STRAP: variants seen among roughly 807,000 people sequenced by gnomAD.
STRAP encodes serine-threonine kinase receptor-associated protein.
A neutral mutation model predicts 47.0 loss-of-function variants in STRAP; 16 were observed. That is an observed-to-expected ratio of 0.34 (90% CI 0.23 to 0.52). The LOEUF (loss-of-function observed/expected upper bound fraction) is 0.52, where lower values mean the gene tolerates loss of function less well. Among genes scored for constraint, STRAP ranks in the 20% least tolerant of loss-of-function variants. The pLI, the probability that STRAP is intolerant of heterozygous loss-of-function variation, is 0.96. For synonymous variants in STRAP, 130 were observed against 142.7 expected (o/e 0.91, Z 0.63); for missense variants, 293 against 420.0 (o/e 0.70, Z 2.64).
chr12:15,885,488 C>CTTTTTTTTTTTTT (rs5796649), intron 2 of STRAP, among the ~76,000 whole-genome samples: 25 of 132,466 alleles, frequency 1.9e-4, no homozygotes, highest in African/African-American at 7.1e-4. Flanking sequence ...CGTGCCTGGC[C>CTTTTTTTTTTTTT]TTTTTTTTTT....
intron 2 of STRAP, among the ~76,000 whole-genome samples, chr12:15,884,108 C>CA (rs1170357766): frequency 6.6e-6 from 1 of 152,002 alleles, no homozygotes; most frequent in Non-Finnish European, 1.5e-5. Context: ...AAAAAAACAA[C>CA]AAAAAAACAA....
rs375708370 is a variant in STRAP at position 15,890,714 on chromosome 12, A to G, written c.403+45A>G. 3.4e-6 allele frequency: 5 copies of G among 1,474,688 alleles called. No homozygotes were observed. Among genetic ancestry groups the G allele is most frequent in the Admixed American group, 2.0e-5 (1 of 49,366 alleles). 91.4% of individuals were successfully genotyped at this position (1,474,688 alleles called of 1,614,324 possible). ...CAGCTTCTAGTTTTATTTTCTTTTA[A>G]TTTAAATAACTGATTAAAGAATTTC... is the stretch of plus-strand genomic sequence containing the variant. On this transcript the variant is annotated intron_variant, in intron 4 of 9. Coordinates refer to ENST00000419869, the MANE Select transcript of STRAP (RefSeq NM_007178.4). The surrounding 1 kb of genome is among the most constrained non-coding windows in gnomAD (Gnocchi z 4.5).
intron 2 of STRAP, among the ~76,000 whole-genome samples, chr12:15,886,332 G>A (rs556164568): frequency 2.6e-5 from 4 of 152,140 alleles, no homozygotes; most frequent in South Asian, 4.2e-4. Flanking sequence ...GACCACAGGC[G>A]TGTACTACCA....
Position 15,903,043 on chromosome 12 carries a change from C to G in STRAP, c.*65C>G, listed in dbSNP as rs1948118397. On this transcript the variant is annotated 3_prime_UTR_variant, in exon 10 of 10. Coordinates refer to ENST00000419869, the MANE Select transcript of STRAP (RefSeq NM_007178.4). The stretch of plus-strand genomic sequence containing the variant: ...ACAAGCAAGCAGAGAAAAGCATCAG[C>G]CTTCCAGAGTTACTGTCTGCTTAAG... 1 of 1,434,118 alleles carries G rather than the reference C, an allele frequency of 7.0e-7. No individual in the cohort carries two copies. The highest frequency in any genetic ancestry group is 9.2e-7 in the Non-Finnish European group (1 of 1,086,610). The allele number at this position is 1,434,118 out of a possible 1,614,324, so 88.8% of individuals were successfully genotyped here. A position where few individuals can be genotyped will look rare whatever the true frequency, so the allele number is the denominator to read the frequency against.
chr12:15,890,755 A>G lies in STRAP; in HGVS notation c.403+86A>G. 1 of 1,244,130 alleles carries G rather than the reference A, an allele frequency of 8.0e-7. No individual in the cohort carries two copies. Among genetic ancestry groups the G allele is most frequent in the Middle Eastern group, 2.7e-4 (1 of 3,686 alleles). The allele number at this position is 1,244,130 out of a possible 1,614,324, so 77.1% of individuals were successfully genotyped here. ...AAAGAATTTCATGCTCAGTACTCAA[A>G]TTTGGAAAATAAAGATAGTCATGGC... On this transcript the variant is annotated intron_variant, in intron 4 of 9. Coordinates refer to ENST00000419869, the MANE Select transcript of STRAP (RefSeq NM_007178.4). This position sits in a 1 kb window ranked among gnomAD's most constrained non-coding sequence, Gnocchi z 4.5.
At chr12:15,893,148 G>GGAT (rs1948030801) in intron 4 of STRAP, among the ~76,000 whole-genome samples, 1 of 152,078 alleles carries the variant, frequency 6.6e-6, no homozygotes, top group African/African-American at 2.4e-5. Context: ...TTCTTCGAAA[G>GGAT]GATAATCTCC....
At chr12:15,891,060 CA>C (rs962648032) in intron 4 of STRAP, among the ~76,000 whole-genome samples, 1,753 of 124,716 alleles carry the variant, frequency 0.014, 27 homozygotes, top group African/African-American at 0.042. Context: ...AACTCAGTTT[CA>C]AAAAAAAAAA....
intron 7 of STRAP, 154 bp downstream of exon 7, chr12:15,898,172 A>G (rs752722993): frequency 1.7e-5 from 10 of 580,794 alleles, no homozygotes; most frequent in Non-Finnish European, 2.3e-5. Context: ...TGAAAAAGTA[A>G]AGGAGTTTTA....
intron 4 of STRAP, among the ~76,000 whole-genome samples, chr12:15,891,409 T>A (rs916438569): frequency 2.0e-5 from 3 of 152,188 alleles, no homozygotes; most frequent in African/African-American, 7.2e-5. Flanking sequence ...GCAGTTACAG[T>A]TTTTTCATTT....
chr12:15,894,105 G>A lies in STRAP; in HGVS notation c.462G>A (p.Glu154=), dbSNP rs1307072557. 1.2e-6 allele frequency: 2 copies of A among 1,613,508 alleles called. No individual in the cohort carries two copies. The highest frequency in any genetic ancestry group is 2.7e-5 in the African/African-American group (2 of 74,878). Residue 154 remains glutamate (E), a synonymous_variant, in exon 5 of 10, where the codon GAG becomes GAA. Coordinates refer to ENST00000419869, the MANE Select transcript of STRAP (RefSeq NM_007178.4). This position sits in a 1 kb window ranked among gnomAD's most constrained non-coding sequence, Gnocchi z 4.9. ...TAAAAAAAGCTCTGTGGTGCAGTGA[G>A]GATAAACAGATTCTTTCTGCTGATG... ...SGIKKALWCS[E]DKQILSADDK... is the part of the protein sequence containing the mutation.
Position 15,894,223 on chromosome 12 carries a change from G to A in STRAP, c.500+80G>A. The A allele has an allele frequency of 8.7e-7, 1 of 1,148,938 alleles. No homozygotes were observed. The highest frequency in any genetic ancestry group is 1.3e-6 in the Non-Finnish European group (1 of 774,172). 71.2% of individuals were successfully genotyped at this position (1,148,938 alleles called of 1,614,324 possible). A position where few individuals can be genotyped will look rare whatever the true frequency, so the allele number is the denominator to read the frequency against. On this transcript the variant is annotated intron_variant, in intron 5 of 9. Coordinates refer to ENST00000419869, the MANE Select transcript of STRAP (RefSeq NM_007178.4). The surrounding 1 kb of genome is among the most constrained non-coding windows in gnomAD (Gnocchi z 4.9). ...GCCTATAATCTCAGCACTTTGGGAG[G>A]CGAGCCGGGTGGATCATTAGAGGTC...
intron 2 of STRAP, among the ~76,000 whole-genome samples, chr12:15,888,419 G>A (rs1480940644): frequency 2.6e-5 from 4 of 152,170 alleles, no homozygotes; most frequent in African/African-American, 9.7e-5. Flanking sequence ...CCTGGGCAAA[G>A]AGAAATGAAT....
chr12:15,902,712 C>T (rs897328515), intron 9 of STRAP, among the ~76,000 whole-genome samples: 1 of 152,014 alleles, frequency 6.6e-6, no homozygotes, highest in African/African-American at 2.4e-5. Context: ...GTGGATAAAA[C>T]ACATGAACTC....
rs577859002 is a variant in STRAP, at chr12:15,903,466, C to T, written c.*488C>T. On this transcript the variant is annotated 3_prime_UTR_variant, in exon 10 of 10. Transcript: ENST00000419869. ...GTTTTTAGTTGTCTAAATAAAATGC[C>T]TCTAAAACAAAACAATGTTTGGTTT... The T allele has an allele frequency of 2.6e-5, 4 of 152,276 alleles. 1 individual carries two copies. Among genetic ancestry groups the T allele is most frequent in the African/African-American group, 7.2e-5 (3 of 41,566 alleles). The allele number at this position is 152,276 out of a possible 1,614,324, so 9.4% of individuals were successfully genotyped here.
chr12:15,889,380 G>A (rs1947997006), intron 2 of STRAP, among the ~76,000 whole-genome samples: 1 of 152,128 alleles, frequency 6.6e-6, no homozygotes, highest in South Asian at 2.1e-4. Flanking sequence ...AGTCAGCTTT[G>A]AAGAAGAGAT....
At chr12:15,889,759 A>T (rs1947999738) in intron 2 of STRAP, among the ~76,000 whole-genome samples, 169 bp from the exon 3 acceptor site, 1 of 152,218 alleles carries the variant, frequency 6.6e-6, no homozygotes, top group South Asian at 2.1e-4. Flanking sequence ...TAAATATTTT[A>T]TCAAATGAAG....
rs1272769540 is a variant in STRAP, at chr12:15,896,800, TTC to T, written c.639-1080_639-1079del. On this transcript the variant is annotated intron_variant, in intron 6 of 9. Transcript: ENST00000419869. The surrounding 1 kb of genome is among the most constrained non-coding windows in gnomAD (Gnocchi z 4.1). The stretch of plus-strand genomic sequence containing the variant: ...TCAAAGGCTAGAAATGAGTTTAAAG[TTC>T]TTAGTTATACATGACACTTAATTGA... 6.6e-6 allele frequency among the ~76,000 whole-genome samples: 1 copy of T among 152,178 alleles called. No individual in the cohort carries two copies. Among genetic ancestry groups the T allele is most frequent in the Non-Finnish European group, 1.5e-5 (1 of 68,034 alleles).
Position 15,890,635 on chromosome 12 carries a change from G to C in STRAP, c.369G>C (p.Leu123=). 6.2e-7 allele frequency: 1 copy of C among 1,611,636 alleles called. No individual in the cohort carries two copies. The highest frequency in any genetic ancestry group is 8.5e-7 in the Non-Finnish European group (1 of 1,179,118). Residue 123 remains leucine (L), a synonymous_variant, in exon 4 of 10, where the codon CTG becomes CTC. Coordinates refer to ENST00000419869, the MANE Select transcript of STRAP (RefSeq NM_007178.4). The surrounding 1 kb of genome is among the most constrained non-coding windows in gnomAD (Gnocchi z 4.5). The part of the protein sequence containing the change: ...NYLLTGGQDK[L]LRIYDLNKPE... ...TGTTAACCGGGGGACAGGATAAACT[G>C]TTACGCATATATGACTTGAACAAAC... is the stretch of plus-strand genomic sequence containing the variant.
At chr12:15,883,052 CCTT>C in intron 1 of STRAP, 1 of 1,535,406 alleles carries the variant, frequency 6.5e-7, no homozygotes, top group Non-Finnish European at 8.7e-7. Context: ...AGACCTCTCT[CCTT>C]ATTTTATTTT....
Sources: gnomAD v4.1 joint callset for allele counts (sites outside exome capture counted in the v4.1 genomes callset) on GRCh38, gnomAD v4.1.1 for gene constraint, Gnocchi (gnomAD v3.1) non-coding constraint, MANE v1.5 for transcripts, NCBI Gene and HGNC (gene_info 2026-07-23, HGNC 2026-07-21) for gene names.